ATP2B2: variants seen among roughly 807,000 people sequenced by gnomAD.
ATP2B2 encodes the protein ATPase plasma membrane Ca2+ transporting 2, also known as plasma membrane calcium-transporting ATPase 2.
In ATP2B2, 15 loss-of-function variants were observed where a neutral mutation model predicts 120.0. The observed-to-expected ratio is 0.12, with a 90% confidence interval of 0.08 to 0.19. The LOEUF is 0.19. Ranked by LOEUF, ATP2B2 falls within the 10% of genes least tolerant of loss-of-function variation. ATP2B2 has a pLI of 1.00. For synonymous variants in ATP2B2, 694 were observed against 700.3 expected (o/e 0.99, Z 0.14); for missense variants, 1,045 against 1,719.8 (o/e 0.61, Z 6.94).
intron 5 of ATP2B2, among the ~76,000 whole-genome samples, chr3:10,399,716 G>A (rs2062156246): frequency 6.6e-6 from 1 of 152,146 alleles, no homozygotes; most frequent in Non-Finnish European, 1.5e-5. Context: ...AGACCTGTTT[G>A]TATTTCCAGG....
At chr3:10,400,132 G>A in intron 5 of ATP2B2, among the ~76,000 whole-genome samples, 1 of 152,226 alleles carries the variant, frequency 6.6e-6, no homozygotes, top group South Asian at 2.1e-4. Flanking sequence ...CCTGGCTAGT[G>A]TCTCACCCCT....
Position 10,468,318 on chromosome 3 carries a change from G to A in ATP2B2, c.-319-18456C>T, listed in dbSNP as rs145761194. ...GTACAGGGGCCATGGCTGGCCCAGC[G>A]GGCTGGGTGTGAGGGGTGGGAAGCA... On this transcript the variant is annotated intron_variant, in intron 1 of 22. Transcript: ENST00000360273. Among the ~76,000 whole-genome samples the A allele has an allele frequency of 1.5e-3, 228 of 152,354 alleles. 6 individuals are homozygous for A. The East Asian group carries it at 0.035, about 23-fold the overall frequency.
chr3:10,364,689 C>T (rs3846112), intron 12 of ATP2B2, among the ~76,000 whole-genome samples: 41,910 of 151,596 alleles, frequency 0.28, 6,164 homozygotes, highest in Admixed American at 0.41. Flanking sequence ...CCAGCCTGGG[C>T]GTCAGAGCAA....
intron 1 of ATP2B2, among the ~76,000 whole-genome samples, chr3:10,691,818 C>T (rs1006358065): frequency 1.3e-5 from 2 of 152,168 alleles, no homozygotes; most frequent in Admixed American, 6.5e-5. Flanking sequence ...TCCATGAACA[C>T]CATATTTCCA....
rs1029734038 is a variant in ATP2B2, at chr3:10,587,381, AATTTATTTTTATTT to A, written c.-415+32522_-415+32535del. Among the ~76,000 whole-genome samples the A allele has an allele frequency of 2.5e-4, 37 of 148,806 alleles. No individual in the cohort carries two copies. In the South Asian group the frequency reaches 3.6e-3, roughly 14 times the overall value. ...GGTTGTTTAGTTGTTTTATTTAATT[AATTTATTTTTATTT>A]ATTTATTTTTTGAAACAGAATCTCA... On this transcript the variant is annotated intron_variant, in intron 2 of 21. Transcript: ENST00000646379.
Position 10,340,272 on chromosome 3 carries a change from G to T in ATP2B2, c.3207C>A (p.Phe1069Leu). The stretch of plus-strand genomic sequence containing the variant: ...CCCAAACGAGCTCTCCTAACCCAAT[G>T]AATATGCACCACATCCACTGGTCCA... Reference protein sequence around the residue: ...LQLDQWMWCIFIGLGELVWGQ... With the variant: ...LQLDQWMWCILIGLGELVWGQ... Residue 1069 changes from phenylalanine to leucine, a missense_variant, in exon 21 of 23, where the codon TTC becomes TTA. Transcript: ENST00000360273. The surrounding 1 kb of genome is among the most constrained non-coding windows in gnomAD (Gnocchi z 5.0). 1 of 1,614,188 alleles carries T rather than the reference G, an allele frequency of 6.2e-7. No individual in the cohort carries two copies. Among genetic ancestry groups the T allele is most frequent in the South Asian group, 1.1e-5 (1 of 91,046 alleles).
At chr3:10,440,541 TG>T (rs942681067) in intron 2 of ATP2B2, among the ~76,000 whole-genome samples, 2 of 152,222 alleles carry the variant, frequency 1.3e-5, no homozygotes, top group African/African-American at 4.8e-5. Flanking sequence ...CACTGTTCCC[TG>T]TACACATCCT....
chr3:10,665,352 G>A (rs914076078), intron 1 of ATP2B2, among the ~76,000 whole-genome samples: 2 of 152,118 alleles, frequency 1.3e-5, no homozygotes, highest in Non-Finnish European at 2.9e-5. Flanking sequence ...CCTCCATTCA[G>A]TGTCACTTCT....
At chr3:10,374,870 TC>T (rs1401923529) in intron 11 of ATP2B2, among the ~76,000 whole-genome samples, 1 of 152,188 alleles carries the variant, frequency 6.6e-6, no homozygotes, top group Non-Finnish European at 1.5e-5. Context: ...GGAGGAGGCT[TC>T]TATGAAATCA....
intron 3 of ATP2B2, among the ~76,000 whole-genome samples, chr3:10,520,098 C>G (rs956373384): frequency 1.3e-5 from 2 of 152,214 alleles, no homozygotes; most frequent in Admixed American, 6.5e-5. Context: ...AGATAAAACT[C>G]TATTCCCAAC....
At chr3:10,360,832 G>C (rs1461037060) in intron 12 of ATP2B2, among the ~76,000 whole-genome samples, 1 of 152,202 alleles carries the variant, frequency 6.6e-6, no homozygotes, top group Non-Finnish European at 1.5e-5. Context: ...GTGAGTTAAT[G>C]TGGCCACCAC....
intron 2 of ATP2B2, among the ~76,000 whole-genome samples, chr3:10,428,017 T>G (rs2063196871): frequency 6.6e-6 from 1 of 152,204 alleles, no homozygotes. Context: ...AAGTAAATCC[T>G]TCATGTGTTC....
At chr3:10,573,594 G>A (rs2068176668) in intron 2 of ATP2B2, among the ~76,000 whole-genome samples, 2 of 152,162 alleles carry the variant, frequency 1.3e-5, no homozygotes, top group African/African-American at 4.8e-5. Flanking sequence ...TTGATCCCAG[G>A]CCTGGGACTC....
chr3:10,379,036 T>C (rs1009058646), intron 9 of ATP2B2, among the ~76,000 whole-genome samples: 3 of 152,184 alleles, frequency 2.0e-5, no homozygotes. Context: ...TGCTGGCCCA[T>C]GGGTATCCCC....
intron 3 of ATP2B2, among the ~76,000 whole-genome samples, chr3:10,517,919 G>A (rs1177787513): frequency 6.6e-6 from 1 of 152,212 alleles, no homozygotes; most frequent in Non-Finnish European, 1.5e-5. Flanking sequence ...CTCACACAGT[G>A]TGGGAAATGG....
At chr3:10,479,627 C>T (rs984947506) in intron 1 of ATP2B2, among the ~76,000 whole-genome samples, 2 of 152,098 alleles carry the variant, frequency 1.3e-5, no homozygotes, top group Non-Finnish European at 2.9e-5. Flanking sequence ...AGCTATTATG[C>T]ATATTATATA....
chr3:10,329,222 A>G lies in ATP2B2; in HGVS notation c.3421-97T>C, dbSNP rs1247193572. On this transcript the variant is annotated intron_variant, in intron 22 of 22. Transcript: ENST00000360273. The surrounding 1 kb of genome is among the most constrained non-coding windows in gnomAD (Gnocchi z 5.9). ...GGCGGGTGGGAGAAGGGTTAGGGCAAAGCAGGTGGCTGGAATCCATAGTCG... is the reference window on the plus strand; with the variant it reads ...GGCGGGTGGGAGAAGGGTTAGGGCAGAGCAGGTGGCTGGAATCCATAGTCG... The G allele has an allele frequency of 8.2e-7, 1 of 1,218,498 alleles. No individual in the cohort carries two copies. Among genetic ancestry groups the G allele is most frequent in the African/African-American group, 1.5e-5 (1 of 67,340 alleles). The allele number at this position is 1,218,498 out of a possible 1,614,324, so 75.5% of individuals were successfully genotyped here. A position where few individuals can be genotyped will look rare whatever the true frequency, so the allele number is the denominator to read the frequency against.
At chr3:10,662,832 G>A (rs2070823174) in intron 1 of ATP2B2, among the ~76,000 whole-genome samples, 1 of 151,920 alleles carries the variant, frequency 6.6e-6, no homozygotes, top group Admixed American at 6.6e-5. Context: ...GCAAAGACTT[G>A]GATCCAACCC....
In ATP2B2 at chr3:10,573,886, G is replaced by A. The variant is rs1452201183; in HGVS notation, c.-414-39753C>T. ...GAGCTGTCAGCCCAGCAAATACGGC[G>A]TCTGCCTGGTCCTGCTTGCTCAAAC... is the stretch of plus-strand genomic sequence containing the variant. On this transcript the variant is annotated intron_variant, in intron 2 of 21. Coordinates refer to the ATP2B2 transcript ENST00000646379. Among the ~76,000 whole-genome samples the A allele has an allele frequency of 5.3e-5, 8 of 152,100 alleles. No individual in the cohort carries two copies. The South Asian group carries it at 1.0e-3, about 20-fold the overall frequency.
Sources: gnomAD v4.1 joint callset for allele counts (sites outside exome capture counted in the v4.1 genomes callset) on GRCh38, gnomAD v4.1.1 for gene constraint, Gnocchi (gnomAD v3.1) non-coding constraint, MANE v1.5 for transcripts, NCBI Gene and HGNC (gene_info 2026-07-23, HGNC 2026-07-21) for gene names.